Variants in BICRAL observed in about 807,000 individuals in gnomAD.
BICRAL encodes the protein BICRA like chromatin remodeling complex associated protein, also known as BRD4-interacting chromatin-remodeling complex-associated protein-like.
A neutral mutation model predicts 91.8 loss-of-function variants in BICRAL; 8 were observed. That is an observed-to-expected ratio of 0.09 (90% CI 0.05 to 0.16). BICRAL has a LOEUF of 0.16. BICRAL is among the 10% of genes least tolerant of loss of function. BICRAL has a pLI of 1.00. For synonymous variants in BICRAL, 445 were observed against 491.1 expected (o/e 0.91, Z 1.24); for missense variants, 1,038 against 1,310.9 (o/e 0.79, Z 3.21).
rs150529527 is a variant in BICRAL, at chr6:42,829,591, A to C, written c.1258A>C (p.Ile420Leu). The change falls in exon 6 of 13, where the codon ATA becomes CTA. Residue 420 changes from isoleucine (I) to leucine (L), a missense_variant. Physicochemically the swap from Ile to Leu is conservative, Grantham distance 5. Transcript: ENST00000314073. The part of the protein sequence containing the change: ...SSNSVHHVQT[I>L]NGQLLQTQPS... ...CAACTCGGTACACCACGTCCAGACTATAAATGGGCAACTTCTTCAAACTCA... is the reference window on the plus strand; with the variant it reads ...CAACTCGGTACACCACGTCCAGACTCTAAATGGGCAACTTCTTCAAACTCA... The C allele has an allele frequency of 6.2e-7, 1 of 1,614,086 alleles. No individual in the cohort carries two copies. Among genetic ancestry groups the C allele is most frequent in the Non-Finnish European group, 8.5e-7 (1 of 1,180,036 alleles).
chr6:42,758,614 GT>G (rs1178728870), intron 1 of BICRAL, among the ~76,000 whole-genome samples: 2 of 151,686 alleles, frequency 1.3e-5, no homozygotes, highest in Non-Finnish European at 2.9e-5. Flanking sequence ...GAAATCTGGA[GT>G]GCTGAAATTA....
chr6:42,767,896 A>C (rs1479214242), intron 1 of BICRAL, among the ~76,000 whole-genome samples: 1 of 152,184 alleles, frequency 6.6e-6, no homozygotes, highest in Non-Finnish European at 1.5e-5. Flanking sequence ...CCAATTGAGA[A>C]ACTTGGGAAT....
chr6:42,831,395 C>T (rs1764473034), intron 6 of BICRAL, among the ~76,000 whole-genome samples: 1 of 152,300 alleles, frequency 6.6e-6, no homozygotes, highest in African/African-American at 2.4e-5. Context: ...GAGGCACTCT[C>T]ATTTGACCAA....
chr6:42,843,197 G>A (rs375231439), intron 6 of BICRAL, among the ~76,000 whole-genome samples: 15 of 152,062 alleles, frequency 9.9e-5, no homozygotes, highest in South Asian at 4.1e-4. Context: ...TCCAGAGTGC[G>A]GGCTCCGAAA....
intron 1 of BICRAL, among the ~76,000 whole-genome samples, chr6:42,808,075 G>A (rs1285148204): frequency 2.6e-5 from 4 of 151,522 alleles, no homozygotes; most frequent in Admixed American, 6.6e-5. Flanking sequence ...GCTATTTGCT[G>A]GGGATATGAA....
rs1360931290 is a variant in BICRAL, at chr6:42,860,375, A to C, written c.2349+19A>C. 3.5e-6 allele frequency: 5 copies of C among 1,444,394 alleles called. No individual in the cohort carries two copies. In the East Asian group the frequency reaches 1.1e-4, roughly 33 times the overall value. 89.5% of individuals were successfully genotyped at this position (1,444,394 alleles called of 1,614,324 possible). A position where few individuals can be genotyped will look rare whatever the true frequency, so the allele number is the denominator to read the frequency against. Reference sequence around the variant, plus strand: ...TGCCATGGTAAAAGTCATGCTACTGATATTTGTTCTTTAAAACTTTACAGG... The same window carrying C: ...TGCCATGGTAAAAGTCATGCTACTGCTATTTGTTCTTTAAAACTTTACAGG... On this transcript the variant is annotated intron_variant, in intron 11 of 12. Transcript: ENST00000314073.
chr6:42,828,190 G>C (rs937510959), intron 5 of BICRAL, among the ~76,000 whole-genome samples: 11 of 151,972 alleles, frequency 7.2e-5, no homozygotes, highest in African/African-American at 2.4e-4. Flanking sequence ...GAGGCGGGCA[G>C]ATCATGAGGT....
chr6:42,818,925 TAGTC>T (rs1247730483), intron 2 of BICRAL, among the ~76,000 whole-genome samples: 4 of 152,194 alleles, frequency 2.6e-5, no homozygotes, highest in South Asian at 2.1e-4. Context: ...TTAAGAGAGG[TAGTC>T]AGGTGTTCAG....
At chr6:42,751,484 C>T (rs981921530) in intron 1 of BICRAL, among the ~76,000 whole-genome samples, 2 of 151,992 alleles carry the variant, frequency 1.3e-5, no homozygotes, top group African/African-American at 4.8e-5. Flanking sequence ...AGTTACATGC[C>T]TCAAGAAGTA....
At chr6:42,861,045 G>C (rs934206908) in intron 11 of BICRAL, among the ~76,000 whole-genome samples, 1 of 152,200 alleles carries the variant, frequency 6.6e-6, no homozygotes, top group Non-Finnish European at 1.5e-5. Context: ...AGAATCACTT[G>C]AAGCTGGAAG....
At chr6:42,765,706 G>A (rs867808522) in intron 1 of BICRAL, among the ~76,000 whole-genome samples, 1 of 152,272 alleles carries the variant, frequency 6.6e-6, no homozygotes, top group South Asian at 2.1e-4. Context: ...AGCCACTGTA[G>A]GACTTCATGT....
At chr6:42,797,690 T>C (rs138136163) in intron 1 of BICRAL, among the ~76,000 whole-genome samples, 5 of 152,160 alleles carry the variant, frequency 3.3e-5, no homozygotes, top group Non-Finnish European at 5.9e-5. Context: ...TAAATTGTTA[T>C]AGGCCTGGTG....
rs1484580726 is a variant in BICRAL, at chr6:42,829,145, C to T, written c.812C>T (p.Ser271Phe). The T allele has an allele frequency of 1.2e-6, 2 of 1,614,038 alleles. No individual in the cohort carries two copies. Among genetic ancestry groups the T allele is most frequent in the Non-Finnish European group, 1.7e-6 (2 of 1,179,940 alleles). ...NGNSLFGNSS[S>F]SPVAQPVTVP... ...AACTCCTTGTTTGGGAACTCTAGTT[C>T]CAGTCCAGTAGCACAGCCTGTTACC... Residue 271 changes from serine to phenylalanine, a missense_variant, in exon 6 of 13, where the codon TCC becomes TTC. By Grantham distance (155) the Ser-to-Phe change is radical (BLOSUM62 -2). Around this residue, in one of 5 missense-constraint regions of BICRAL, gnomAD observed 532 missense variants for 724.9 expected, o/e 0.73. Transcript: ENST00000314073.
At chr6:42,862,405 C>A in intron 11 of BICRAL, 105 bp from the exon 12 acceptor site, 1 of 758,364 alleles carries the variant, frequency 1.3e-6, no homozygotes, top group Non-Finnish European at 2.3e-6. Context: ...TTTCACATGC[C>A]CTGTAGTATC....
chr6:42,797,141 AAAGATACATAAGCAGAACTTATGTAT>A lies in BICRAL; in HGVS notation c.-101-13152_-101-13127del, dbSNP rs149108811. ...AAAAGGAAGATTTTGTTGACCAGGA[AAAGATACATAAGCAGAACTTATGTAT>A]AAGATACATAAGGAAAAGATACATA... On this transcript the variant is annotated intron_variant, in intron 1 of 12. Coordinates refer to ENST00000314073, the MANE Select transcript of BICRAL (RefSeq NM_001393499.1). 6.2e-3 allele frequency among the ~76,000 whole-genome samples: 944 copies of A among 152,168 alleles called. 49 individuals carry two copies. In the East Asian group the frequency reaches 0.13, roughly 20 times the overall value.
rs902522658 is a variant in BICRAL, at chr6:42,773,383, T to TA, written c.-260-8445dup. Among the ~76,000 whole-genome samples the TA allele has an allele frequency of 1.7e-4, 25 of 147,850 alleles. No homozygotes were observed. In the East Asian group the frequency reaches 2.4e-3, roughly 14 times the overall value. ...GTGAGCCACTGCACCTGGCTGCAATTAAAAAAAAAAATTAAAAAAATACAA... is the reference window on the plus strand; with the variant it reads ...GTGAGCCACTGCACCTGGCTGCAATTAAAAAAAAAAAATTAAAAAAATACAA... On this transcript the variant is annotated intron_variant, in intron 1 of 14. Transcript: ENST00000614467.
intron 1 of BICRAL, among the ~76,000 whole-genome samples, chr6:42,765,625 A>G (rs547956703): frequency 6.6e-6 from 1 of 152,308 alleles, no homozygotes; most frequent in East Asian, 1.9e-4. Flanking sequence ...CTTGAGTGAA[A>G]TGTGTGTTGC....
intron 1 of BICRAL, among the ~76,000 whole-genome samples, chr6:42,794,603 T>C (rs1763368758): frequency 6.6e-6 from 1 of 152,060 alleles, no homozygotes; most frequent in Admixed American, 6.6e-5. Flanking sequence ...TCTGTTCTTT[T>C]TTCATTTGAA....
intron 5 of BICRAL, among the ~76,000 whole-genome samples, chr6:42,828,112 T>A (rs1764355141): frequency 6.6e-6 from 1 of 152,098 alleles, no homozygotes; most frequent in Non-Finnish European, 1.5e-5. Flanking sequence ...CATGCTTTAT[T>A]CATATTCAAA....
Sources: gnomAD v4.1 joint callset for allele counts (sites outside exome capture counted in the v4.1 genomes callset) on GRCh38, gnomAD v4.1.1 for gene constraint, gnomAD v4.1.1 regional missense constraint, MANE v1.5 for transcripts, NCBI Gene and HGNC (gene_info 2026-07-23, HGNC 2026-07-21) for gene names.